The following PTPRD variants were observed in gnomAD, a reference collection of about 807,000 sequenced individuals.
PTPRD encodes receptor-type tyrosine-protein phosphatase delta.
Under a neutral mutation model 214.5 loss-of-function variants are expected in PTPRD, and 34 were observed. That is an observed-to-expected ratio of 0.16 (90% CI 0.12 to 0.21). PTPRD has a LOEUF of 0.21. Among genes scored for constraint, PTPRD ranks in the 10% least tolerant of loss-of-function variants. PTPRD has a pLI of 1.00. For missense variants in PTPRD, 2,545 were observed against 2,398.7 expected, an observed-to-expected ratio of 1.06 and a Z score of -1.27; for synonymous variants, 1,128 against 845.7, an observed-to-expected ratio of 1.33 and a Z score of -5.79.
At chr9:8,515,054 A>G (rs2097760556) in intron 21 of PTPRD, among the ~76,000 whole-genome samples, 1 of 152,202 alleles carries the variant, frequency 6.6e-6, no homozygotes, top group Non-Finnish European at 1.5e-5. Context: ...TTGTGAGTCG[A>G]TTAAACCTCT....
rs376014901 is a variant in PTPRD, at chr9:10,230,234, C to G, written c.-545+110729G>C. On this transcript the variant is annotated intron_variant, in intron 3 of 45. Coordinates refer to ENST00000381196, the MANE Select transcript of PTPRD (RefSeq NM_002839.4). ...TGGAAGGAATCAATCCTACCAACAT[C>G]TTCATCTTTCACTTCCAGATTCCAG... Among the ~76,000 whole-genome samples the G allele has an allele frequency of 3.4e-4, 52 of 152,142 alleles. No individual in the cohort carries two copies. The East Asian group carries it at 9.3e-3, about 27-fold the overall frequency.
chr9:9,623,983 G>T (rs2095333975), intron 7 of PTPRD, among the ~76,000 whole-genome samples: 1 of 152,040 alleles, frequency 6.6e-6, no homozygotes, highest in Non-Finnish European at 1.5e-5. Flanking sequence ...TGTGGGTCTG[G>T]AAACTCAAAA....
chr9:9,024,334 C>CTTAGTTTTTTTTT (rs1169168298), intron 10 of PTPRD, among the ~76,000 whole-genome samples: 2 of 72,750 alleles, frequency 2.7e-5, no homozygotes, highest in African/African-American at 9.7e-5. Flanking sequence ...ATTGTCGATT[C>CTTAGTTTTTTTTT]TTTGTTTTTT....
At chr9:10,460,073 T>A (rs2098947402) in intron 2 of PTPRD, among the ~76,000 whole-genome samples, 1 of 152,052 alleles carries the variant, frequency 6.6e-6, no homozygotes, top group African/African-American at 2.4e-5. Context: ...TTACCCAACT[T>A]TGGAGCATAT....
At chr9:9,905,661 T>C (rs951574721) in intron 5 of PTPRD, among the ~76,000 whole-genome samples, 2 of 152,072 alleles carry the variant, frequency 1.3e-5, no homozygotes, top group African/African-American at 4.8e-5. Context: ...ACCCAAGATA[T>C]CATGTAATTA....
intron 8 of PTPRD, among the ~76,000 whole-genome samples, chr9:9,403,330 A>G (rs2141479086): frequency 6.7e-6 from 1 of 150,028 alleles, no homozygotes; most frequent in South Asian, 2.1e-4. Flanking sequence ...AAAAACCCAG[A>G]ACTAATCTTA....
chr9:8,486,405 GT>G, intron 27 of PTPRD, 56 bp from the exon 28 acceptor site: 1 of 1,444,472 alleles, frequency 6.9e-7, no homozygotes, highest in Non-Finnish European at 9.7e-7. Context: ...TCACATTTCA[GT>G]CATTGCCAAA....
intron 43 of PTPRD, among the ~76,000 whole-genome samples, chr9:8,336,012 T>C (rs1005119434): frequency 4.3e-4 from 65 of 151,790 alleles, no homozygotes; most frequent in African/African-American, 1.5e-3. Flanking sequence ...AGAATCAATA[T>C]CGTGAAAATG....
chr9:9,688,600 C>T (rs961200114), intron 7 of PTPRD, among the ~76,000 whole-genome samples: 3 of 151,778 alleles, frequency 2.0e-5, no homozygotes, highest in East Asian at 1.9e-4. Context: ...ACAAAGTTTG[C>T]GTGAGTGATG....
intron 2 of PTPRD, among the ~76,000 whole-genome samples, chr9:10,514,168 C>T (rs1434581286): frequency 2.0e-5 from 3 of 152,044 alleles, no homozygotes; most frequent in Non-Finnish European, 4.4e-5. Context: ...GAATAATCAA[C>T]TACCAATCAA....
Position 8,637,844 on chromosome 9 carries a change from T to C in PTPRD, c.65-1000A>G, listed in dbSNP as rs373597014. Reference sequence around the variant, plus strand: ...GTTAAGTGTTATAAAATCTGTATCATACCACATGAGAAATGCTTATGATGC... The same window carrying C: ...GTTAAGTGTTATAAAATCTGTATCACACCACATGAGAAATGCTTATGATGC... On this transcript the variant is annotated intron_variant, in intron 12 of 45. Coordinates refer to ENST00000381196, the MANE Select transcript of PTPRD (RefSeq NM_002839.4). 4.5e-4 allele frequency among the ~76,000 whole-genome samples: 69 copies of C among 152,246 alleles called. 1 individual carries two copies. The South Asian group carries it at 0.013, about 30-fold the overall frequency.
intron 5 of PTPRD, among the ~76,000 whole-genome samples, chr9:9,887,447 A>T (rs886357905): frequency 8.5e-5 from 13 of 152,100 alleles, no homozygotes; most frequent in Non-Finnish European, 1.9e-4. Flanking sequence ...CAATACATAT[A>T]AAAAAACATG....
intron 9 of PTPRD, among the ~76,000 whole-genome samples, chr9:9,309,696 G>A (rs569276611): frequency 4.1e-4 from 63 of 152,236 alleles, no homozygotes; most frequent in African/African-American, 1.3e-3. Flanking sequence ...TTTTTGCAGA[G>A]AATATTTGAA....
At chr9:10,493,599 C>G (rs1772070180) in intron 2 of PTPRD, among the ~76,000 whole-genome samples, 1 of 152,048 alleles carries the variant, frequency 6.6e-6, no homozygotes, top group Non-Finnish European at 1.5e-5. Context: ...AAAATTAATA[C>G]AGGGTTTCTT....
intron 12 of PTPRD, among the ~76,000 whole-genome samples, chr9:8,709,262 G>C (rs866540215): frequency 2.0e-5 from 3 of 151,956 alleles, no homozygotes; most frequent in Non-Finnish European, 2.9e-5. Context: ...CACCTGTAAT[G>C]CCAGCACTTT....
At chr9:10,523,601 G>GTATATATATATATATATAGATATATA (rs2053151722) in intron 2 of PTPRD, among the ~76,000 whole-genome samples, 1 of 64,336 alleles carries the variant, frequency 1.6e-5, no homozygotes, top group African/African-American at 5.1e-5. Flanking sequence ...ATATTTATCT[G>GTATATATATATATATATAGATATATA]TATATATATA....
chr9:9,118,395 G>T (rs1007469605), intron 10 of PTPRD, among the ~76,000 whole-genome samples: 2 of 152,042 alleles, frequency 1.3e-5, no homozygotes, highest in Non-Finnish European at 2.9e-5. Context: ...AGTTATAGTG[G>T]GAATAGAAAA....
At chr9:9,190,191 T>C (rs553705224) in intron 9 of PTPRD, among the ~76,000 whole-genome samples, 11 of 152,196 alleles carry the variant, frequency 7.2e-5, no homozygotes, top group African/African-American at 2.6e-4. Context: ...ATTAATGCTT[T>C]AATTGTGGGA....
chr9:9,345,557 C>G (rs1040408500), intron 9 of PTPRD, among the ~76,000 whole-genome samples: 2 of 152,028 alleles, frequency 1.3e-5, no homozygotes, highest in South Asian at 2.1e-4. Context: ...AAAGTGCTTT[C>G]TTAGAATCTA....
Sources: allele counts gnomAD v4.1 joint callset (sites outside exome capture counted in the v4.1 genomes callset), GRCh38; gene constraint gnomAD v4.1.1; transcripts MANE v1.5; gene names NCBI Gene and HGNC (gene_info 2026-07-23, HGNC 2026-07-21).